KIAA1614: variants seen among roughly 807,000 people sequenced by gnomAD.
The protein encoded by KIAA1614 is uncharacterized protein KIAA1614.
A neutral mutation model predicts 88.7 loss-of-function variants in KIAA1614; 76 were observed. The ratio of observed to expected loss-of-function variants is 0.86; its 90% confidence interval spans 0.71 to 1.04. The LOEUF (loss-of-function observed/expected upper bound fraction) is 1.04. Among genes scored for constraint, KIAA1614 ranks in the 50% least tolerant of loss-of-function variants. KIAA1614 has a pLI of 0.00. For missense variants in KIAA1614, 1,553 were observed against 1,582.5 expected, an observed-to-expected ratio of 0.98 and a Z score of 0.32; for synonymous variants, 714 against 675.5, an observed-to-expected ratio of 1.06 and a Z score of -0.88.
intron 4 of KIAA1614, among the ~76,000 whole-genome samples, chr1:180,934,542 A>G (rs1275094471): frequency 6.6e-6 from 1 of 152,190 alleles, no homozygotes; most frequent in Non-Finnish European, 1.5e-5. Context: ...GTGAACCGAG[A>G]TCATGTCACT....
chr1:180,934,465 C>A (rs1000381820), intron 4 of KIAA1614, among the ~76,000 whole-genome samples: 1 of 151,824 alleles, frequency 6.6e-6, no homozygotes, highest in African/African-American at 2.4e-5. Context: ...TGAAGCACAC[C>A]TGTGGTCCCA....
In KIAA1614 at chr1:180,935,617, G is replaced by A. The variant is rs1353235356; in HGVS notation, c.1708G>A (p.Glu570Lys). The A allele has an allele frequency of 1.9e-6, 3 of 1,611,574 alleles. No homozygotes were observed. The highest frequency in any genetic ancestry group is 2.5e-6 in the Non-Finnish European group (3 of 1,179,050). ...GGAGCTCCAGGCTGCCTGTGGGATG[G>A]AGAGGGTGCTGGGTGGCCTGAGCTC... ...LQELQAACGM[E>K]RVLGGLSSPL... The change falls in exon 5 of 9, where the codon GAG becomes AAG. Residue 570 changes from glutamate (E) to lysine (K), a missense_variant. Transcript: ENST00000367588. This position sits in a 1 kb window ranked among gnomAD's most constrained non-coding sequence, Gnocchi z 6.1.
chr1:180,917,178 C>T, intron 2 of KIAA1614, 78 bp downstream of exon 2: 1 of 1,148,630 alleles, frequency 8.7e-7, no homozygotes. Context: ...ACGAGGGGGT[C>T]CCACAGAGGG....
chr1:180,925,230 A>G (rs1022296597), intron 3 of KIAA1614, among the ~76,000 whole-genome samples: 1 of 152,364 alleles, frequency 6.6e-6, no homozygotes, highest in South Asian at 2.1e-4. Flanking sequence ...CATGGAGCAC[A>G]TGACCCAGAA....
chr1:180,916,063 G>A (rs969297428), intron 1 of KIAA1614, 91 bp from the exon 2 acceptor site: 2 of 838,700 alleles, frequency 2.4e-6, no homozygotes, highest in Non-Finnish European at 3.6e-6. Flanking sequence ...ATCTGGACAG[G>A]ACTCAACGCC....
chr1:180,922,430 G>T (rs987033455), intron 3 of KIAA1614, among the ~76,000 whole-genome samples: 1 of 152,106 alleles, frequency 6.6e-6, no homozygotes, highest in Non-Finnish European at 1.5e-5. Context: ...TCACACAGGC[G>T]AGGGGAAGGG....
intron 3 of KIAA1614, among the ~76,000 whole-genome samples, chr1:180,922,846 A>T (rs1653986373): frequency 6.6e-6 from 1 of 152,092 alleles, no homozygotes; most frequent in South Asian, 2.1e-4. Context: ...CGGGCCCCAC[A>T]GGTTGAGGGC....
At position 180,935,803 on chromosome 1, in the gene KIAA1614, C is replaced by T. The variant is rs1385677021; in HGVS notation, c.1894C>T (p.Gln632Ter). The change falls in exon 5 of 9, where the codon CAG (glutamine) becomes TAG (stop). Residue 632 changes from glutamine (Q) to a stop codon, truncating the protein, a stop_gained. Coordinates refer to ENST00000367588, the MANE Select transcript of KIAA1614 (RefSeq NM_020950.2). LOFTEE classifies it high-confidence loss of function. This position sits in a 1 kb window ranked among gnomAD's most constrained non-coding sequence, Gnocchi z 6.1. ...CGACAGTGAGGAGGCGGGGACCTCT[C>T]AGGCTGGCTGGGCGTGTGGGCGGAC... ...RTDSEEAGTS[Q>*]AGWACGRTQG... 1 of 1,613,814 alleles carries T rather than the reference C, an allele frequency of 6.2e-7. No individual in the cohort carries two copies. The highest frequency in any genetic ancestry group is 8.5e-7 in the Non-Finnish European group (1 of 1,179,950).
chr1:180,950,244 CCACA>C lies in KIAA1614; in HGVS notation c.*4659_*4662del, dbSNP rs1427938875. 1 of 836,678 alleles carries C rather than the reference CCACA, an allele frequency of 1.2e-6. No homozygotes were observed. Among genetic ancestry groups the C allele is most frequent in the East Asian group, 1.0e-4 (1 of 9,686 alleles). 51.8% of individuals were successfully genotyped at this position (836,678 alleles called of 1,614,324 possible). On this transcript the variant is annotated 3_prime_UTR_variant, in exon 9 of 9. Transcript: ENST00000367588. ...CTGGTATGAGCACCTCCTCCCTGTG[CCACA>C]CAAACAGCACCTCATCAACATGGTC...
rs1172364672 is a variant in KIAA1614 at position 180,916,697 on chromosome 1, C to T, written c.594C>T (p.Asp198=). The stretch of plus-strand genomic sequence containing the variant: ...CCGAATGGACACTTCCTGACCATGA[C>T]AGAGGTCCGCTGCTGGGGCCCAGCT... ...PEAEWTLPDH[D]RGPLLGPSSL... The change falls in exon 2 of 9, where the codon GAC becomes GAT. Residue 198 remains aspartate, a synonymous_variant. Transcript: ENST00000367588. 1.2e-6 allele frequency: 2 copies of T among 1,611,204 alleles called. No individual in the cohort carries two copies. The highest frequency in any genetic ancestry group is 1.7e-6 in the Non-Finnish European group (2 of 1,178,418).
intron 3 of KIAA1614, among the ~76,000 whole-genome samples, chr1:180,923,051 G>C (rs1378989724): frequency 6.6e-6 from 1 of 152,198 alleles, no homozygotes; most frequent in African/African-American, 2.4e-5. Context: ...TGTTATAAAA[G>C]ACACGAACAG....
rs1654122043 is a variant in KIAA1614, at chr1:180,928,576, G to A, written c.1205+3G>A. On this transcript the variant is annotated splice_donor_region_variant and intron_variant, in intron 4 of 8. Transcript: ENST00000367588. ...CCCACCATTACCCAGGGCAGCCGGTGAGTGGGACCTGGGCCAGGCTAGCCT... is the reference window on the plus strand; with the variant it reads ...CCCACCATTACCCAGGGCAGCCGGTAAGTGGGACCTGGGCCAGGCTAGCCT... The A allele has an allele frequency of 8.1e-6, 13 of 1,611,192 alleles. No homozygotes were observed. The highest frequency in any genetic ancestry group is 8.5e-6 in the Non-Finnish European group (10 of 1,178,836).
chr1:180,917,806 T>C (rs1653852859), intron 2 of KIAA1614, 45 bp from the exon 3 acceptor site: 1 of 1,521,778 alleles, frequency 6.6e-7, no homozygotes, highest in Non-Finnish European at 9.1e-7. Context: ...CTGAGAGCCC[T>C]GTTTCTGGCT....
intron 3 of KIAA1614, among the ~76,000 whole-genome samples, chr1:180,919,310 T>C (rs1178146142): frequency 5.9e-5 from 9 of 152,084 alleles, no homozygotes. Flanking sequence ...CACAGTTGCC[T>C]CCCCTTCTGC....
At chr1:180,928,244 A>T in intron 3 of KIAA1614, 186 bp from the exon 4 acceptor site, 1 of 677,010 alleles carries the variant, frequency 1.5e-6, no homozygotes, top group South Asian at 2.8e-5. Context: ...GCCATTTCCC[A>T]GCCCCAGGCC....
intron 4 of KIAA1614, among the ~76,000 whole-genome samples, chr1:180,929,522 T>C (rs1028488273): frequency 6.6e-6 from 1 of 152,180 alleles, no homozygotes; most frequent in Non-Finnish European, 1.5e-5. Flanking sequence ...TCATCCCTGA[T>C]TTCATAATGC....
In KIAA1614 at chr1:180,950,414, A is replaced by G; in HGVS notation, c.*4826A>G. On this transcript the variant is annotated 3_prime_UTR_variant, in exon 9 of 9. Transcript: ENST00000367588. Reference sequence around the variant, plus strand: ...AGGGCTGCTGGGGGTGGGCGATGAGATCCTCGAGGTGAACGGGGCCAAGGT... The same window carrying G: ...AGGGCTGCTGGGGGTGGGCGATGAGGTCCTCGAGGTGAACGGGGCCAAGGT... The G allele has an allele frequency of 8.2e-7, 1 of 1,224,184 alleles. No homozygotes were observed. Among genetic ancestry groups the G allele is most frequent in the Non-Finnish European group, 1.0e-6 (1 of 955,874 alleles). 75.8% of individuals were successfully genotyped at this position (1,224,184 alleles called of 1,614,324 possible). A position where few individuals can be genotyped will look rare whatever the true frequency, so the allele number is the denominator to read the frequency against.
At chr1:180,944,545 T>C in intron 8 of KIAA1614, 29 bp downstream of exon 8, 2 of 1,608,990 alleles carry the variant, frequency 1.2e-6, no homozygotes, top group Non-Finnish European at 1.7e-6. Context: ...GTTTGGAGGA[T>C]AAACTCAGAG....
chr1:180,934,082 C>T (rs1249803443), intron 4 of KIAA1614, among the ~76,000 whole-genome samples: 1 of 152,030 alleles, frequency 6.6e-6, no homozygotes, highest in Non-Finnish European at 1.5e-5. Flanking sequence ...TGGAGAAACC[C>T]CGTCTCTACT....
Sources: gnomAD v4.1 joint callset for allele counts (sites outside exome capture counted in the v4.1 genomes callset) on GRCh38, gnomAD v4.1.1 for gene constraint, Gnocchi (gnomAD v3.1) non-coding constraint, MANE v1.5 for transcripts, NCBI Gene and HGNC (gene_info 2026-07-23, HGNC 2026-07-21) for gene names.